The following GABBR2 variants were observed in gnomAD, a reference collection of about 807,000 sequenced individuals.
GABBR2 encodes gamma-aminobutyric acid type B receptor subunit 2, also known as G-protein coupled receptor 51.
In GABBR2, 23 loss-of-function variants were observed where a neutral mutation model predicts 105.6. The ratio of observed to expected loss-of-function variants is 0.22; its 90% CI spans 0.16 to 0.31. The LOEUF (loss-of-function observed/expected upper bound fraction) is 0.31. Among genes scored for constraint, GABBR2 ranks in the 10% least tolerant of loss-of-function variants. GABBR2 has a pLI of 1.00. For synonymous variants in GABBR2, 478 were observed against 499.7 expected (o/e 0.96, Z 0.58); for missense variants, 734 against 1,245.5 (o/e 0.59, Z 6.18).
intron 16 of GABBR2, among the ~76,000 whole-genome samples, chr9:98,301,044 C>T (rs1830461108): frequency 6.6e-6 from 1 of 152,170 alleles, no homozygotes; most frequent in Non-Finnish European, 1.5e-5. Flanking sequence ...ACCCCTTCAC[C>T]CGTCCTCGCT....
intron 13 of GABBR2, among the ~76,000 whole-genome samples, chr9:98,347,009 T>A: frequency 6.6e-6 from 1 of 152,198 alleles, no homozygotes; most frequent in East Asian, 1.9e-4. Context: ...TGATTCCATA[T>A]CTTAGGAACT....
At chr9:98,669,017 G>C (rs1233640673) in intron 1 of GABBR2, among the ~76,000 whole-genome samples, 1 of 151,990 alleles carries the variant, frequency 6.6e-6, no homozygotes, top group African/African-American at 2.4e-5. Context: ...TTGGTGTACA[G>C]ATATCTGTTT....
chr9:98,375,981 C>T (rs547931064), intron 11 of GABBR2, among the ~76,000 whole-genome samples: 10 of 152,322 alleles, frequency 6.6e-5, no homozygotes, highest in Admixed American at 3.9e-4. Flanking sequence ...TAAAGTCTTA[C>T]GTGTGTTTAT....
intron 14 of GABBR2, among the ~76,000 whole-genome samples, chr9:98,307,660 G>A (rs901710731): frequency 6.6e-6 from 1 of 152,156 alleles, no homozygotes; most frequent in African/African-American, 2.4e-5. Context: ...ACCTGGGCAA[G>A]TCACTTCACC....
intron 6 of GABBR2, among the ~76,000 whole-genome samples, chr9:98,459,128 G>A (rs917854514): frequency 5.3e-5 from 8 of 152,300 alleles, no homozygotes; most frequent in South Asian, 4.1e-4. Context: ...GCCCCTCAAA[G>A]AGCCAAAGAC....
intron 1 of GABBR2, among the ~76,000 whole-genome samples, chr9:98,625,106 C>T (rs1207965148): frequency 6.6e-6 from 1 of 152,234 alleles, no homozygotes; most frequent in Non-Finnish European, 1.5e-5. Flanking sequence ...AGAGCCTGTA[C>T]ATACTCCTGG....
At chr9:98,578,158 A>C in intron 1 of GABBR2, 86 bp from the exon 2 acceptor site, 5 of 1,480,118 alleles carry the variant, frequency 3.4e-6, no homozygotes, top group East Asian at 2.3e-5. Flanking sequence ...ATCTTTCCTC[A>C]TGGAAACCTT....
At chr9:98,700,151 C>G (rs1431499875) in intron 1 of GABBR2, among the ~76,000 whole-genome samples, 2 of 152,104 alleles carry the variant, frequency 1.3e-5, no homozygotes, top group Non-Finnish European at 2.9e-5. Context: ...ACAGTGAGCT[C>G]CTCAAGGGCA....
At chr9:98,587,605 T>A (rs557100792) in intron 1 of GABBR2, among the ~76,000 whole-genome samples, 1 of 152,342 alleles carries the variant, frequency 6.6e-6, no homozygotes, top group African/African-American at 2.4e-5. Context: ...AATGTGAAGA[T>A]AATAATGGAA....
chr9:98,691,971 AC>A (rs780846324), intron 1 of GABBR2, among the ~76,000 whole-genome samples: 2 of 152,190 alleles, frequency 1.3e-5, no homozygotes, highest in African/African-American at 2.4e-5. Flanking sequence ...TATGACACTT[AC>A]TATGTATCAG....
At chr9:98,449,790 G>A (rs1481614477) in intron 7 of GABBR2, among the ~76,000 whole-genome samples, 2 of 152,148 alleles carry the variant, frequency 1.3e-5, no homozygotes, top group African/African-American at 2.4e-5. Context: ...GGGGATGGAG[G>A]AGGGGAAGCA....
In GABBR2 at chr9:98,382,507, G is replaced by A. The variant is rs564209738; in HGVS notation, c.1662+3133C>T. ...TTTTTGTATTTTTAAGTAGAGATGG[G>A]GTTTGCCATGTTGGCCAGGTTGGTC... On this transcript the variant is annotated intron_variant, in intron 11 of 18. Coordinates refer to ENST00000259455, the MANE Select transcript of GABBR2 (RefSeq NM_005458.8). Among the ~76,000 whole-genome samples the A allele has an allele frequency of 3.2e-4, 48 of 152,246 alleles. No individual in the cohort carries two copies. The South Asian group carries it at 9.8e-3, about 31-fold the overall frequency.
chr9:98,380,221 G>A (rs1214257411), intron 11 of GABBR2, among the ~76,000 whole-genome samples: 1 of 152,236 alleles, frequency 6.6e-6, no homozygotes, highest in Non-Finnish European at 1.5e-5. Context: ...CGCAGAGGCT[G>A]AGGGCACAGG....
chr9:98,607,204 T>C (rs1829438420), intron 1 of GABBR2: 2 of 1,581,964 alleles, frequency 1.3e-6, no homozygotes, highest in Non-Finnish European at 1.7e-6. Flanking sequence ...ATAATAGTAA[T>C]TGCTGGCAGC....
chr9:98,428,392 G>C (rs990999901), intron 7 of GABBR2, among the ~76,000 whole-genome samples: 1 of 152,194 alleles, frequency 6.6e-6, no homozygotes, highest in African/African-American at 2.4e-5. Context: ...GAAGGCAAAG[G>C]CTGCACCTGA....
chr9:98,566,117 C>T (rs537522498), intron 2 of GABBR2, among the ~76,000 whole-genome samples: 89 of 152,276 alleles, frequency 5.8e-4, no homozygotes, highest in African/African-American at 2.1e-3. Flanking sequence ...CGAGAGCTGG[C>T]GAAGGTGACC....
intron 1 of GABBR2, among the ~76,000 whole-genome samples, chr9:98,681,624 G>C (rs1407102637): frequency 6.6e-6 from 1 of 151,952 alleles, no homozygotes; most frequent in East Asian, 1.9e-4. Context: ...ACATAATTAA[G>C]ACTACTATAA....
At chr9:98,445,824 A>G (rs1826118699) in intron 7 of GABBR2, among the ~76,000 whole-genome samples, 1 of 152,212 alleles carries the variant, frequency 6.6e-6, no homozygotes, top group African/African-American at 2.4e-5. Context: ...GGATAAGCAA[A>G]CCTAAGCAGC....
chr9:98,545,562 C>T (rs1264905623), intron 2 of GABBR2, among the ~76,000 whole-genome samples: 2 of 152,116 alleles, frequency 1.3e-5, no homozygotes, highest in African/African-American at 4.8e-5. Context: ...CCACTCCAAA[C>T]GAACTGAATC....
Sources: allele counts gnomAD v4.1 joint callset (sites outside exome capture counted in the v4.1 genomes callset), GRCh38; gene constraint gnomAD v4.1.1; transcripts MANE v1.5; gene names NCBI Gene and HGNC (gene_info 2026-07-23, HGNC 2026-07-21).